The following SWAP70 variants were observed in gnomAD, a reference collection of about 807,000 sequenced individuals.
SWAP70 encodes the protein switching B cell complex subunit SWAP70, also known as switch-associated protein 70.
A neutral mutation model predicts 80.2 loss-of-function variants in SWAP70; 34 were observed. The ratio of observed to expected loss-of-function variants is 0.42; its 90% CI spans 0.32 to 0.56. The LOEUF is 0.56. Ranked by LOEUF, SWAP70 falls within the 20% of genes least tolerant of loss-of-function variation. SWAP70 has a pLI of 0.09. For synonymous variants in SWAP70, 239 were observed against 238.5 expected (o/e 1.00, Z -0.02); for missense variants, 578 against 690.7 (o/e 0.84, Z 1.83).
intron 1 of SWAP70, among the ~76,000 whole-genome samples, chr11:9,686,405 A>T (rs1477370932): frequency 7.1e-6 from 1 of 141,604 alleles, no homozygotes; most frequent in Non-Finnish European, 1.6e-5. Flanking sequence ...CAGTTGCCAG[A>T]GCTGGAGTAC....
At chr11:9,705,711 C>T (rs1458973153) in intron 2 of SWAP70, among the ~76,000 whole-genome samples, 1 of 136,136 alleles carries the variant, frequency 7.3e-6, no homozygotes, top group Non-Finnish European at 1.5e-5. Flanking sequence ...GATCTGTATA[C>T]ACTGGTGATC....
In SWAP70 at chr11:9,738,313, A is replaced by G; in HGVS notation, c.1181A>G (p.Glu394Gly). The G allele has an allele frequency of 6.3e-7, 1 of 1,594,204 alleles. No homozygotes were observed. Among genetic ancestry groups the G allele is most frequent in the Non-Finnish European group, 8.5e-7 (1 of 1,170,898 alleles). ...QARFSTELER[E>G]KLIRQQMEEQ... The stretch of plus-strand genomic sequence containing the variant: ...AGGTTCAGCACAGAGCTGGAAAGAG[A>G]GAAGCTTGTGAGTATCACATGGCTG... Residue 394 changes from glutamate to glycine, a missense_variant, in exon 8 of 12, where the codon GAG becomes GGG. By Grantham distance (98) the Glu-to-Gly change is moderately conservative. Transcript: ENST00000318950.
intron 3 of SWAP70, among the ~76,000 whole-genome samples, chr11:9,716,339 C>A (rs1447544039): frequency 1.3e-5 from 2 of 152,156 alleles, no homozygotes; most frequent in African/African-American, 4.8e-5. Context: ...GGTCACAGGA[C>A]CAAGCATATA....
At chr11:9,727,814 C>G (rs1851245141) in intron 4 of SWAP70, among the ~76,000 whole-genome samples, 1 of 152,110 alleles carries the variant, frequency 6.6e-6, no homozygotes, top group South Asian at 2.1e-4. Context: ...GTCTGCATAT[C>G]ACTTTGGGGA....
intron 1 of SWAP70, among the ~76,000 whole-genome samples, chr11:9,686,007 C>G (rs1850627306): frequency 6.6e-6 from 1 of 152,090 alleles, no homozygotes; most frequent in African/African-American, 2.4e-5. Flanking sequence ...CACATTCAGA[C>G]CATAGCAAGC....
In SWAP70 at chr11:9,746,540, G is replaced by A. The variant is rs912588655; in HGVS notation, c.1356-1318G>A. 2.0e-5 allele frequency among the ~76,000 whole-genome samples: 3 copies of A among 152,218 alleles called. No homozygotes were observed. The East Asian group carries it at 5.8e-4, about 29-fold the overall frequency. ...CTGTTGTGTACATCAAACTCCAAGAGACATCTGAGGAGACCTCAGTGTCTC... is the reference window on the plus strand; with the variant it reads ...CTGTTGTGTACATCAAACTCCAAGAAACATCTGAGGAGACCTCAGTGTCTC... On this transcript the variant is annotated intron_variant, in intron 9 of 11. Coordinates refer to ENST00000318950, the MANE Select transcript of SWAP70 (RefSeq NM_015055.4).
At position 9,713,612 on chromosome 11, in the gene SWAP70, G is replaced by A. The variant is rs2134476247; in HGVS notation, c.387G>A (p.Lys129=). Residue 129 remains lysine, a synonymous_variant, in exon 3 of 12, where the codon AAG becomes AAA. Coordinates refer to ENST00000318950, the MANE Select transcript of SWAP70 (RefSeq NM_015055.4). ...TTTTCAACTTTTTATCTGAGGACAA[G>A]TATCCATTAATTATTGTGTCAGAAG... is the stretch of plus-strand genomic sequence containing the variant. ...WVIFNFLSED[K]YPLIIVSEEI... 6.2e-7 allele frequency: 1 copy of A among 1,613,674 alleles called. No homozygotes were observed. The highest frequency in any genetic ancestry group is 2.2e-5 in the East Asian group (1 of 44,836).
intron 6 of SWAP70, among the ~76,000 whole-genome samples, chr11:9,729,746 C>T (rs1182567218): frequency 6.6e-6 from 1 of 152,116 alleles, no homozygotes; most frequent in Non-Finnish European, 1.5e-5. Flanking sequence ...CCTGCCTTGG[C>T]CTCCCAAAGT....
chr11:9,719,934 T>TATTAA (rs1198538063), intron 3 of SWAP70: 1 of 256,552 alleles, frequency 3.9e-6, no homozygotes. Context: ...AGAAAGCATT[T>TATTAA]TTAATAAAAT....
chr11:9,700,764 AT>A (rs1850821026), intron 2 of SWAP70, among the ~76,000 whole-genome samples: 19 of 152,190 alleles, frequency 1.2e-4, no homozygotes, highest in Admixed American at 1.2e-3. Flanking sequence ...TGGGGGAAAT[AT>A]TGGTCGAAGG....
At chr11:9,665,179 G>A (rs567082909) in intron 1 of SWAP70, among the ~76,000 whole-genome samples, 3 of 152,322 alleles carry the variant, frequency 2.0e-5, no homozygotes, top group East Asian at 3.9e-4. Flanking sequence ...AGATCCGAAT[G>A]TCCGGTTTTC....
At chr11:9,676,189 T>C (rs1850498466) in intron 1 of SWAP70, among the ~76,000 whole-genome samples, 1 of 152,234 alleles carries the variant, frequency 6.6e-6, no homozygotes, top group African/African-American at 2.4e-5. Flanking sequence ...TTATCTGTTT[T>C]GATTGCAATT....
In SWAP70 at chr11:9,696,883, A is replaced by C. The variant is rs926736400; in HGVS notation, c.240+2597A>C. 3.3e-5 allele frequency among the ~76,000 whole-genome samples: 5 copies of C among 152,188 alleles called. No homozygotes were observed. The East Asian group carries it at 5.8e-4, about 18-fold the overall frequency. ...CAAGTATATTTCAATAATGCCTTTC[A>C]AAAAATGATAATGATAATACTTTCG... On this transcript the variant is annotated intron_variant, in intron 2 of 11. Transcript: ENST00000318950.
chr11:9,671,767 A>AATATATTTATATG (rs1850409248), intron 1 of SWAP70, among the ~76,000 whole-genome samples: 1 of 2,380 alleles, frequency 4.2e-4, no homozygotes, highest in African/African-American at 9.7e-4. Context: ...TAAATATATA[A>AATATATTTATATG]TATAAATATA....
intron 9 of SWAP70, among the ~76,000 whole-genome samples, chr11:9,746,393 C>T (rs1397032325): frequency 6.6e-6 from 1 of 152,218 alleles, no homozygotes; most frequent in East Asian, 1.9e-4. Flanking sequence ...ACAGACCCAT[C>T]CAGTCTTGTT....
chr11:9,670,693 T>A (rs1445622419), intron 1 of SWAP70, among the ~76,000 whole-genome samples: 1 of 152,096 alleles, frequency 6.6e-6, no homozygotes, highest in African/African-American at 2.4e-5. Flanking sequence ...GGGAGAAAAC[T>A]TTTAAGGAAA....
chr11:9,674,534 T>A (rs1850462382), intron 1 of SWAP70, among the ~76,000 whole-genome samples: 2 of 151,964 alleles, frequency 1.3e-5, no homozygotes, highest in African/African-American at 4.8e-5. Flanking sequence ...ACTTTATCTC[T>A]ACAAAAAATT....
intron 2 of SWAP70, among the ~76,000 whole-genome samples, chr11:9,701,288 C>T (rs1850827926): frequency 6.6e-6 from 1 of 151,858 alleles, no homozygotes; most frequent in South Asian, 2.1e-4. Flanking sequence ...TCTTCTGCCT[C>T]AGCCTCCCGA....
chr11:9,676,798 C>T (rs1312327782), intron 1 of SWAP70, among the ~76,000 whole-genome samples: 1 of 151,752 alleles, frequency 6.6e-6, no homozygotes, highest in Non-Finnish European at 1.5e-5. Flanking sequence ...TACAGGCGCC[C>T]GCCACCACGC....
Sources: allele counts gnomAD v4.1 joint callset (sites outside exome capture counted in the v4.1 genomes callset), GRCh38; gene constraint gnomAD v4.1.1; transcripts MANE v1.5; gene names NCBI Gene and HGNC (gene_info 2026-07-23, HGNC 2026-07-21).